The following MTRF1 variants were observed in gnomAD, a reference collection of about 807,000 sequenced individuals.
MTRF1 encodes peptide chain release factor 1, mitochondrial.
A neutral mutation model predicts 62.9 loss-of-function variants in MTRF1; 51 were observed. The ratio of observed to expected loss-of-function variants is 0.81; its 90% CI spans 0.65 to 1.02. MTRF1 has a LOEUF of 1.02. Ranked by LOEUF, MTRF1 falls within the 50% of genes least tolerant of loss-of-function variation. The probability of loss-of-function intolerance (pLI) is 0.00; values close to 1 mark genes in which losing one functional copy is unlikely to be tolerated. For missense variants in MTRF1, 446 were observed against 530.0 expected, an observed-to-expected ratio of 0.84 and a Z score of 1.56; for synonymous variants, 158 against 181.9, an observed-to-expected ratio of 0.87 and a Z score of 1.06.
the MTRF1 span, among the ~76,000 whole-genome samples, chr13:41,278,316 T>C: frequency 1.3e-5 from 2 of 152,162 alleles, no homozygotes; most frequent in South Asian, 4.1e-4. Flanking sequence ...AAGGGAGGAA[T>C]ATAGGGTTTT....
In MTRF1 at chr13:41,243,349, G is replaced by A. The variant is rs556175143; in HGVS notation, c.698-2916C>T. Among the ~76,000 whole-genome samples the A allele has an allele frequency of 4.1e-5, 6 of 147,722 alleles. No homozygotes were observed. In the East Asian group the frequency reaches 1.0e-3, roughly 25 times the overall value. ...GCTTGAGCCCAGTTGAGGCTGCAGC[G>A]AGCTGTGATGGTGCCATTGCCCTCC... On this transcript the variant is annotated intron_variant, in intron 5 of 9. Coordinates refer to ENST00000379480, the MANE Select transcript of MTRF1 (RefSeq NM_004294.4).
chr13:41,293,787 T>C, the MTRF1 span, among the ~76,000 whole-genome samples: 2 of 152,222 alleles, frequency 1.3e-5, no homozygotes, highest in South Asian at 2.1e-4. Context: ...ACTTTTAATG[T>C]AATTTGATAT....
At chr13:41,228,811 T>C (rs896293288) in intron 7 of MTRF1, among the ~76,000 whole-genome samples, 2 of 152,110 alleles carry the variant, frequency 1.3e-5, no homozygotes, top group African/African-American at 4.8e-5. Context: ...AGAAAAAAAA[T>C]ACGATTCTTC....
intron 5 of MTRF1, among the ~76,000 whole-genome samples, chr13:41,250,210 TA>T (rs1033830353): frequency 3.3e-5 from 5 of 152,180 alleles, no homozygotes; most frequent in African/African-American, 4.8e-5. Context: ...TGTTTCTTCT[TA>T]CATTCTCCTT....
At chr13:41,290,902 G>A in the MTRF1 span, among the ~76,000 whole-genome samples, 1 of 149,722 alleles carries the variant, frequency 6.7e-6, no homozygotes, top group Non-Finnish European at 1.5e-5. Context: ...AGACCAGCCT[G>A]ACCAACATGG....
chr13:41,227,059 G>T (rs1555247632), intron 7 of MTRF1, among the ~76,000 whole-genome samples: 1 of 152,130 alleles, frequency 6.6e-6, no homozygotes, highest in Non-Finnish European at 1.5e-5. Flanking sequence ...GGGAAGGCAA[G>T]GCGGGTGGAT....
the MTRF1 span, among the ~76,000 whole-genome samples, chr13:41,275,275 G>A: frequency 3.1e-3 from 452 of 146,668 alleles, 1 homozygote; most frequent in Non-Finnish European, 5.4e-3. Flanking sequence ...ATCTCAGCTC[G>A]CTGCAAGCTC....
intron 5 of MTRF1, among the ~76,000 whole-genome samples, chr13:41,250,636 G>C (rs553471031): frequency 1.3e-5 from 2 of 152,168 alleles, no homozygotes; most frequent in African/African-American, 2.4e-5. Flanking sequence ...TGAGATTACA[G>C]GTGTGCACCA....
intron 5 of MTRF1, among the ~76,000 whole-genome samples, chr13:41,249,836 A>G (rs889049553): frequency 8.0e-5 from 12 of 150,448 alleles, no homozygotes; most frequent in South Asian, 2.1e-4. Flanking sequence ...CTGGCCTCAA[A>G]CTCCTGGCCT....
chr13:41,258,269 C>T (rs918745115), intron 2 of MTRF1, among the ~76,000 whole-genome samples: 3 of 152,142 alleles, frequency 2.0e-5, no homozygotes, highest in African/African-American at 7.2e-5. Flanking sequence ...TCACATAATA[C>T]TGCTAAGGCT....
At chr13:41,221,740 A>C (rs185436252) in intron 9 of MTRF1, among the ~76,000 whole-genome samples, 11 of 152,330 alleles carry the variant, frequency 7.2e-5, no homozygotes, top group South Asian at 2.1e-4. Context: ...TTTGTTTCAC[A>C]ACCGAATACT....
chr13:41,298,015 A>G, the MTRF1 span, among the ~76,000 whole-genome samples: 1 of 152,196 alleles, frequency 6.6e-6, no homozygotes, highest in Non-Finnish European at 1.5e-5. Context: ...TTTAATTCTA[A>G]ATACATTTTC....
the MTRF1 span, among the ~76,000 whole-genome samples, chr13:41,285,358 C>T: frequency 2.0e-5 from 3 of 152,150 alleles, no homozygotes; most frequent in African/African-American, 7.2e-5. Context: ...AAACTTTTAT[C>T]AAATTATTTC....
the MTRF1 span, among the ~76,000 whole-genome samples, chr13:41,298,027 CT>C: frequency 2.5e-3 from 384 of 151,032 alleles, 2 homozygotes; most frequent in African/African-American, 8.2e-3. Context: ...TACATTTTCC[CT>C]TTTTTTTTGA....
intron 6 of MTRF1, among the ~76,000 whole-genome samples, chr13:41,240,058 C>T (rs879152532): frequency 6.6e-6 from 1 of 151,652 alleles, no homozygotes; most frequent in Admixed American, 6.6e-5. Context: ...AGCTACTCAG[C>T]AGGCTGAGGC....
At chr13:41,295,596 T>A in the MTRF1 span, among the ~76,000 whole-genome samples, 1 of 152,146 alleles carries the variant, frequency 6.6e-6, no homozygotes, top group Non-Finnish European at 1.5e-5. Flanking sequence ...ATCGAGATAA[T>A]CCTTGTGTTG....
the MTRF1 span, among the ~76,000 whole-genome samples, chr13:41,293,663 G>T: frequency 2.6e-5 from 4 of 152,040 alleles, no homozygotes; most frequent in African/African-American, 9.7e-5. Flanking sequence ...TGGATAACAA[G>T]GAAATAATTT....
chr13:41,258,836 G>GA (rs768150221), intron 2 of MTRF1, among the ~76,000 whole-genome samples: 14 of 152,040 alleles, frequency 9.2e-5, no homozygotes, highest in Non-Finnish European at 1.9e-4. Context: ...AAAGTGAAGA[G>GA]AAAACCACAG....
chr13:41,281,270 G>A, the MTRF1 span, among the ~76,000 whole-genome samples: 1 of 152,220 alleles, frequency 6.6e-6, no homozygotes, highest in African/African-American at 2.4e-5. Context: ...CTCACTGTTA[G>A]ACATTATGGG....
Sources: gnomAD v4.1 joint callset for allele counts (sites outside exome capture counted in the v4.1 genomes callset) on GRCh38, gnomAD v4.1.1 for gene constraint, MANE v1.5 for transcripts, NCBI Gene and HGNC (gene_info 2026-07-23, HGNC 2026-07-21) for gene names.